AFF2: variants seen among roughly 807,000 people sequenced by gnomAD.
AFF2 encodes AF4/FMR2 family member 2.
Under a neutral mutation model 76.9 loss-of-function variants are expected in AFF2, and 14 were observed. That is an observed-to-expected ratio of 0.18 (90% CI 0.12 to 0.28). AFF2 has a LOEUF of 0.28. Ranked by LOEUF, AFF2 falls within the 10% of genes least tolerant of loss-of-function variation. The pLI is 1.00. For missense variants in AFF2, 868 were observed against 1,001.1 expected (o/e 0.87, Z 1.79); for synonymous variants, 398 against 366.7 (o/e 1.09, Z -0.98).
At chrX:148,747,524 T>A (rs886977495) in intron 3 of AFF2, among the ~76,000 whole-genome samples, 1 of 112,058 alleles carries the variant, frequency 8.9e-6, no homozygotes. Flanking sequence ...TGAAAGTTTT[T>A]GGTTTTTGAT....
At chrX:148,721,780 G>C (rs2055096164) in intron 3 of AFF2, among the ~76,000 whole-genome samples, 1 of 112,183 alleles carries the variant, frequency 8.9e-6, no homozygotes, top group Non-Finnish European at 1.9e-5. Flanking sequence ...TGGTCCATTT[G>C]AAGCCCCTAG....
intron 7 of AFF2, among the ~76,000 whole-genome samples, chrX:148,849,469 T>A (rs1804312393): frequency 9.9e-6 from 1 of 100,543 alleles, no homozygotes. Flanking sequence ...TTTCATTTTT[T>A]TTTTCAACAA....
chrX:148,650,607 A>G (rs782536452), intron 1 of AFF2, among the ~76,000 whole-genome samples: 1 of 112,352 alleles, frequency 8.9e-6, no homozygotes, highest in South Asian at 3.7e-4. Context: ...TGGAGAAATG[A>G]GTGTTCTTTA....
chrX:148,969,387 G>A (rs1473293806), intron 15 of AFF2, among the ~76,000 whole-genome samples: 1 of 112,186 alleles, frequency 8.9e-6, no homozygotes, highest in Non-Finnish European at 1.9e-5. Flanking sequence ...ATTTCATTGG[G>A]GGTACGTGAA....
intron 3 of AFF2, among the ~76,000 whole-genome samples, chrX:148,759,020 C>T (rs1569554998): frequency 8.9e-6 from 1 of 111,964 alleles, no homozygotes; most frequent in East Asian, 2.8e-4. Context: ...GTGATCCACC[C>T]ACCCCAGCCT....
At chrX:148,706,925 A>G (rs1384437765) in intron 3 of AFF2, among the ~76,000 whole-genome samples, 1 of 112,348 alleles carries the variant, frequency 8.9e-6, no homozygotes, top group Non-Finnish European at 1.9e-5. Context: ...TGCTTCTTTC[A>G]GTAGTCTATC....
intron 1 of AFF2, among the ~76,000 whole-genome samples, chrX:148,591,621 A>G (rs2053522947): frequency 8.9e-6 from 1 of 111,734 alleles, no homozygotes; most frequent in African/African-American, 3.3e-5. Flanking sequence ...GCCACAATCA[A>G]CTCTTTCAAG....
chrX:148,709,164 A>G (rs2054926537), intron 3 of AFF2, among the ~76,000 whole-genome samples: 1 of 111,796 alleles, frequency 8.9e-6, no homozygotes, highest in Admixed American at 9.5e-5. Context: ...TCTGGCATTC[A>G]TTGTAGATTA....
chrX:148,962,017 C>T (rs782102010), intron 12 of AFF2, among the ~76,000 whole-genome samples: 12 of 112,274 alleles, frequency 1.1e-4, no homozygotes, highest in Middle Eastern at 4.6e-3. Context: ...TTTGAAAGCA[C>T]GGGAGTACTT....
intron 1 of AFF2, among the ~76,000 whole-genome samples, chrX:148,608,320 C>T (rs1360387327): frequency 3.6e-5 from 4 of 110,954 alleles, no homozygotes; most frequent in African/African-American, 1.3e-4. Flanking sequence ...CACACAGTCA[C>T]GTAACTATAC....
chrX:148,874,039 G>T (rs1486840655), intron 7 of AFF2, among the ~76,000 whole-genome samples: 6 of 111,582 alleles, frequency 5.4e-5, no homozygotes, highest in Non-Finnish European at 1.1e-4. Context: ...CTATCAAGAA[G>T]GTGAGTCTAT....
At chrX:148,933,393 GC>G (rs2071736346) in intron 9 of AFF2, among the ~76,000 whole-genome samples, 4 of 111,635 alleles carry the variant, frequency 3.6e-5, no homozygotes, top group Admixed American at 2.9e-4. Flanking sequence ...AGAATTTCGA[GC>G]AGAAGAGAGA....
At chrX:148,522,148 G>A (rs190734686) in intron 1 of AFF2, among the ~76,000 whole-genome samples, 1 of 112,384 alleles carries the variant, frequency 8.9e-6, no homozygotes, top group Non-Finnish European at 1.9e-5. Context: ...GTCAAATCAC[G>A]GCTGTTACTT....
intron 1 of AFF2, among the ~76,000 whole-genome samples, chrX:148,648,561 C>CAAAAAA (rs1241628949): frequency 3.0e-3 from 69 of 22,924 alleles, no homozygotes; most frequent in African/African-American, 7.6e-3. Context: ...AAAACTCCGT[C>CAAAAAA]AAAAAAAAAA....
At chrX:148,613,041 C>T (rs781960576) in intron 1 of AFF2, among the ~76,000 whole-genome samples, 1 of 111,857 alleles carries the variant, frequency 8.9e-6, no homozygotes, top group South Asian at 3.7e-4. Flanking sequence ...TTCCAGGAGA[C>T]TCAATAGTGA....
intron 8 of AFF2, among the ~76,000 whole-genome samples, chrX:148,896,249 A>T (rs1203744987): frequency 8.9e-6 from 1 of 111,888 alleles, no homozygotes; most frequent in African/African-American, 3.2e-5. Context: ...TGTTTGGGGG[A>T]TGATATTAAT....
chrX:148,989,330 C>G (rs1255005932), intron 20 of AFF2, among the ~76,000 whole-genome samples: 6 of 112,666 alleles, frequency 5.3e-5, no homozygotes, highest in Non-Finnish European at 7.5e-5. Flanking sequence ...TCTAAATTAA[C>G]TAACTTCAGA....
chrX:148,671,772 CT>C (rs80051300), intron 3 of AFF2, among the ~76,000 whole-genome samples: 1,901 of 101,186 alleles, frequency 0.019, 34 homozygotes, highest in African/African-American at 0.051. Flanking sequence ...TATATTTCAC[CT>C]TTTTTTTTTT....
chrX:148,895,012 T>C (rs782419717), intron 8 of AFF2, among the ~76,000 whole-genome samples: 7 of 111,642 alleles, frequency 6.3e-5, no homozygotes, highest in Non-Finnish European at 1.3e-4. Context: ...TTCCCCCTCC[T>C]GTGGAGTCTG....
Sources: allele counts gnomAD v4.1 joint callset (sites outside exome capture counted in the v4.1 genomes callset), GRCh38; gene constraint gnomAD v4.1.1; transcripts MANE v1.5; gene names NCBI Gene and HGNC (gene_info 2026-07-23, HGNC 2026-07-21).